PRKCD: variants seen among roughly 807,000 people sequenced by gnomAD.
PRKCD encodes protein kinase C delta.
PRKCD carries 20 observed loss-of-function variants against 82.2 expected under a neutral mutation model. The observed-to-expected ratio is 0.24, with a 90% CI of 0.17 to 0.35. PRKCD has a LOEUF of 0.35. Among genes scored for constraint, PRKCD ranks in the 10% least tolerant of loss-of-function variants. PRKCD has a pLI of 1.00. For missense variants in PRKCD, 607 were observed against 899.0 expected, an observed-to-expected ratio of 0.68 and a Z score of 4.15; for synonymous variants, 317 against 337.0, an observed-to-expected ratio of 0.94 and a Z score of 0.65.
rs1394601491 is a variant in PRKCD, at chr3:53,178,461, G to T, written c.39G>T (p.Glu13Asp). Residue 13 changes from glutamate (E) to aspartate (D), a missense_variant, in exon 3 of 19, where the codon GAG becomes GAT. Around this residue, in one of 5 missense-constraint regions of PRKCD, gnomAD observed 161 missense variants for 227.0 expected, o/e 0.71. Coordinates refer to ENST00000330452, the MANE Select transcript of PRKCD (RefSeq NM_006254.4). ...TGCGCATCGCCTTCAACTCCTATGAGCTGGGCTCCCTGCAGGCCGAGGACG... is the reference window on the plus strand; with the variant it reads ...TGCGCATCGCCTTCAACTCCTATGATCTGGGCTCCCTGCAGGCCGAGGACG... ...PFLRIAFNSY[E>D]LGSLQAEDEA... 6.2e-7 allele frequency: 1 copy of T among 1,612,902 alleles called. No homozygotes were observed. Among genetic ancestry groups the T allele is most frequent in the Non-Finnish European group, 8.5e-7 (1 of 1,179,890 alleles).
At chr3:53,162,275 G>T (rs528487020) in intron 1 of PRKCD, among the ~76,000 whole-genome samples, 10 of 152,054 alleles carry the variant, frequency 6.6e-5, no homozygotes, top group Admixed American at 1.3e-4. Context: ...GAGGTCGGGG[G>T]GGGGGGTCCT....
intron 1 of PRKCD, among the ~76,000 whole-genome samples, chr3:53,161,918 C>T (rs1702677009): frequency 6.8e-6 from 1 of 146,998 alleles, no homozygotes; most frequent in African/African-American, 2.5e-5. Context: ...GAGCCGCGCC[C>T]CCGGCCCACG....
rs564128768 is a variant in PRKCD, at chr3:53,189,195, G to A, written c.1692G>A (p.Thr564=). 2.2e-5 allele frequency: 36 copies of A among 1,613,778 alleles called. No individual in the cohort carries two copies. The South Asian group carries it at 2.9e-4, about 13-fold the overall frequency. The change falls in exon 17 of 19, where the codon ACG becomes ACA. Residue 564 remains threonine (T), a synonymous_variant. Transcript: ENST00000330452. ...TCTTCGAGTCCATCCGTGTGGACAC[G>A]CCACATTATCCCCGCTGGATCACCA... ...DELFESIRVD[T]PHYPRWITKE...
At chr3:53,170,778 G>C (rs1702994961) in intron 2 of PRKCD, among the ~76,000 whole-genome samples, 1 of 152,232 alleles carries the variant, frequency 6.6e-6, no homozygotes, top group African/African-American at 2.4e-5. Context: ...TTCCAGGACT[G>C]TATGTTTGTT....
chr3:53,181,606 G>T lies in PRKCD; in HGVS notation c.539G>T (p.Trp180Leu). The T allele has an allele frequency of 6.2e-7, 1 of 1,614,230 alleles. No individual in the cohort carries two copies. Among genetic ancestry groups the T allele is most frequent in the Non-Finnish European group, 8.5e-7 (1 of 1,180,034 alleles). ...TFCSVCKDFV[W>L]GLNKQGYKCR... ...TGTTCTGTGTGCAAAGACTTTGTCT[G>T]GTGAGAACCGGCCATGCCCACTGGT... is the stretch of plus-strand genomic sequence containing the variant. Residue 180 changes from tryptophan to leucine, a missense_variant and splice_region_variant, in exon 6 of 19, where the codon TGG becomes TTG. Physicochemically the swap from Trp to Leu is moderately conservative, Grantham distance 61 (BLOSUM62 -2). Transcript: ENST00000330452.
chr3:53,186,385 C>T, intron 13 of PRKCD, 45 bp downstream of exon 13: 1 of 1,607,630 alleles, frequency 6.2e-7, no homozygotes, highest in Non-Finnish European at 8.5e-7. Flanking sequence ...ACAGCCATGT[C>T]CCACAGCTCC....
chr3:53,170,635 GGCC>G, intron 2 of PRKCD, among the ~76,000 whole-genome samples: 2 of 152,244 alleles, frequency 1.3e-5, no homozygotes, highest in African/African-American at 4.8e-5. Flanking sequence ...TGGGTGGAAA[GGCC>G]CAGCCTAGCC....
intron 2 of PRKCD, among the ~76,000 whole-genome samples, chr3:53,170,556 ACCAGCCCACTCCTTC>A (rs1702986433): frequency 6.6e-6 from 1 of 152,192 alleles, no homozygotes; most frequent in Admixed American, 6.5e-5. Context: ...GATGTGCCTG[ACCAGCCCACTCCTTC>A]CCTTACACAC....
Position 53,179,710 on chromosome 3 carries a change from G to A in PRKCD, c.249G>A (p.Glu83=). The A allele has an allele frequency of 6.2e-7, 1 of 1,606,210 alleles. No homozygotes were observed. The highest frequency in any genetic ancestry group is 1.1e-5 in the South Asian group (1 of 89,988). Residue 83 remains glutamate (E), a synonymous_variant, in exon 4 of 19, where the codon GAG becomes GAA. Coordinates refer to ENST00000330452, the MANE Select transcript of PRKCD (RefSeq NM_006254.4). ...LMRAAEEPVS[E]VTVGVSVLAE... ...GGGCAGCAGAGGAGCCAGTGTCTGA[G>A]GTGACCGTGGGTGTGTCGGTGCTGG... is the stretch of plus-strand genomic sequence containing the variant.
chr3:53,172,361 C>G (rs1703064878), intron 2 of PRKCD, among the ~76,000 whole-genome samples: 1 of 152,138 alleles, frequency 6.6e-6, no homozygotes, highest in East Asian at 1.9e-4. Context: ...GGCAGCTCCA[C>G]CATGCCCGGC....
intron 1 of PRKCD, among the ~76,000 whole-genome samples, chr3:53,164,233 A>G (rs1702762055): frequency 6.6e-6 from 1 of 152,180 alleles, no homozygotes; most frequent in African/African-American, 2.4e-5. Context: ...CAGCTGTGTA[A>G]TGGGCACAAT....
chr3:53,168,605 T>C (rs1702909363), intron 2 of PRKCD, among the ~76,000 whole-genome samples: 2 of 151,868 alleles, frequency 1.3e-5, no homozygotes, highest in African/African-American at 4.8e-5. Context: ...ACTTGCCTCG[T>C]CTGTGAAATG....
In PRKCD at chr3:53,179,727, C is replaced by T. The variant is rs782581303; in HGVS notation, c.266C>T (p.Ser89Leu). ...EPVSEVTVGV[S>L]VLAERCKKNN... ...GTGTCTGAGGTGACCGTGGGTGTGT[C>T]GGTGCTGGCCGAGCGCTGCAAGAAG... The change falls in exon 4 of 19, where the codon TCG (serine) becomes TTG (leucine). Residue 89 changes from serine to leucine, a missense_variant. Transcript: ENST00000330452. The T allele has an allele frequency of 1.1e-5, 17 of 1,597,732 alleles. No individual in the cohort carries two copies. In the Admixed American group the frequency reaches 1.7e-4, roughly 16 times the overall value.
Position 53,181,282 on chromosome 3 carries a change from G to T in PRKCD, c.376+15G>T, listed in dbSNP as rs782500976. 1.2e-5 allele frequency: 19 copies of T among 1,613,328 alleles called. No individual in the cohort carries two copies. The African/African-American group carries it at 1.3e-4, about 11-fold the overall frequency. On this transcript the variant is annotated intron_variant, in intron 5 of 18. Coordinates refer to ENST00000330452, the MANE Select transcript of PRKCD (RefSeq NM_006254.4). ...GGAGGACGTGGGTAAGAACTCCCTG[G>T]GGGTGGAGGGCTCCCTTGCCGGGTT... is the stretch of plus-strand genomic sequence containing the variant.
chr3:53,184,668 TC>T (rs1703603619), intron 9 of PRKCD, among the ~76,000 whole-genome samples: 1 of 104,412 alleles, frequency 9.6e-6, no homozygotes, highest in Non-Finnish European at 2.0e-5. Context: ...AGAGGGAAAC[TC>T]CATCTCAAAA....
intron 13 of PRKCD, 44 bp from the exon 14 acceptor site, chr3:53,186,560 T>G: frequency 6.5e-7 from 1 of 1,545,922 alleles, no homozygotes; most frequent in Non-Finnish European, 8.9e-7. Context: ...TGAGGGAGCC[T>G]CCTGCCTATT....
chr3:53,188,691 GCTGA>G, intron 15 of PRKCD, 25 bp from the exon 16 acceptor site: 1 of 1,612,874 alleles, frequency 6.2e-7, no homozygotes, highest in Non-Finnish European at 8.5e-7. Flanking sequence ...AATGTCCCCT[GCTGA>G]CTCTTACCTG....
At chr3:53,184,781 C>G in intron 9 of PRKCD, 93 bp from the exon 10 acceptor site, 1 of 1,040,276 alleles carries the variant, frequency 9.6e-7, no homozygotes, top group East Asian at 2.4e-5. Flanking sequence ...CACTGAAGCC[C>G]TCCTTTCTCT....
At chr3:53,176,799 A>G (rs1703227714) in intron 2 of PRKCD, among the ~76,000 whole-genome samples, 2 of 152,242 alleles carry the variant, frequency 1.3e-5, no homozygotes, top group African/African-American at 2.4e-5. Context: ...TCAGCGTTAC[A>G]TTCAACATTA....
Sources: allele counts gnomAD v4.1 joint callset (sites outside exome capture counted in the v4.1 genomes callset), GRCh38; gene constraint gnomAD v4.1.1; regional missense constraint gnomAD v4.1.1; transcripts MANE v1.5; gene names NCBI Gene and HGNC (gene_info 2026-07-23, HGNC 2026-07-21).